RBPJ: variants seen among roughly 807,000 people sequenced by gnomAD.
RBPJ encodes the protein recombination signal binding protein for immunoglobulin kappa J region.
A neutral mutation model predicts 67.8 loss-of-function variants in RBPJ; 9 were observed. The ratio of observed to expected loss-of-function variants is 0.13; its 90% CI spans 0.08 to 0.23. The LOEUF is 0.23. RBPJ is among the 10% of genes least tolerant of loss of function. The probability of loss-of-function intolerance (pLI) is 1.00; values close to 1 mark genes in which losing one functional copy is unlikely to be tolerated. For synonymous variants in RBPJ, 198 were observed against 203.3 expected, an observed-to-expected ratio of 0.97 and a Z score of 0.22; for missense variants, 305 against 595.6, an observed-to-expected ratio of 0.51 and a Z score of 5.08.
At chr4:26,218,604 C>T (rs1300852174) in intron 1 of RBPJ, among the ~76,000 whole-genome samples, 6 of 152,188 alleles carry the variant, frequency 3.9e-5, no homozygotes, top group Non-Finnish European at 5.9e-5. Flanking sequence ...CTGTGGCTGT[C>T]GCTGTTGCTG....
intron 1 of RBPJ, among the ~76,000 whole-genome samples, chr4:26,374,009 C>A (rs922710935): frequency 2.7e-5 from 4 of 149,532 alleles, no homozygotes; most frequent in African/African-American, 7.4e-5. Context: ...GCCTCCGCCT[C>A]CTGGGTTCAA....
the RBPJ span, among the ~76,000 whole-genome samples, chr4:26,115,386 TAA>T: frequency 4.6e-5 from 7 of 152,048 alleles, no homozygotes; most frequent in African/African-American, 1.7e-4. Flanking sequence ...TTGGCCAGTA[TAA>T]GTTTTTTTTT....
In RBPJ at chr4:26,431,608, TTTTC is replaced by T. The variant is rs1266651862; in HGVS notation, c.*605_*608del. ...TTTTTTTGGTCTAAGGCTGGAACTT[TTTTC>T]TTTTTTTTCAGCTGAAGTCTTATGA... On this transcript the variant is annotated 3_prime_UTR_variant, in exon 11 of 11. Transcript: ENST00000355476. The T allele has an allele frequency of 1.3e-5, 2 of 152,198 alleles. No individual in the cohort carries two copies. Among genetic ancestry groups the T allele is most frequent in the African/African-American group, 4.8e-5 (2 of 41,418 alleles). The allele number at this position is 152,198 out of a possible 1,614,324, so 9.4% of individuals were successfully genotyped here. A position where few individuals can be genotyped will look rare whatever the true frequency, so the allele number is the denominator to read the frequency against.
At chr4:26,397,094 C>G (rs868086213) in intron 2 of RBPJ, among the ~76,000 whole-genome samples, 3 of 152,328 alleles carry the variant, frequency 2.0e-5, no homozygotes, top group Middle Eastern at 3.4e-3. Context: ...ATATCCCTCT[C>G]TTGAAGATTT....
intron 3 of RBPJ, among the ~76,000 whole-genome samples, chr4:26,411,526 A>C (rs1047393791): frequency 1.3e-5 from 2 of 151,750 alleles, no homozygotes; most frequent in Admixed American, 1.3e-4. Flanking sequence ...TGTTTAGATT[A>C]TATTGGATTT....
At chr4:26,115,786 C>T in the RBPJ span, among the ~76,000 whole-genome samples, 5 of 152,032 alleles carry the variant, frequency 3.3e-5, no homozygotes, top group East Asian at 3.8e-4. Context: ...TAAAGAAGAG[C>T]GAAACAGTAT....
At chr4:26,382,062 C>T (rs779207443) in intron 1 of RBPJ, among the ~76,000 whole-genome samples, 4 of 152,090 alleles carry the variant, frequency 2.6e-5, no homozygotes, top group Non-Finnish European at 4.4e-5. Flanking sequence ...TTGTTAAATA[C>T]ACCATATACC....
rs540333643 is a variant in RBPJ, at chr4:26,369,589, T to C, written c.21-16764T>C. Among the ~76,000 whole-genome samples the C allele has an allele frequency of 1.1e-4, 17 of 152,342 alleles. No individual in the cohort carries two copies. The South Asian group carries it at 3.3e-3, about 30-fold the overall frequency. On this transcript the variant is annotated intron_variant, in intron 1 of 10. Coordinates refer to ENST00000355476, the MANE Select transcript of RBPJ (RefSeq NM_015874.6). Reference sequence around the variant, plus strand: ...TTTCTCACAGTGGTAGATATCCAAGTGTGAGATTATTTGATTGTGATCTAT... The same window carrying C: ...TTTCTCACAGTGGTAGATATCCAAGCGTGAGATTATTTGATTGTGATCTAT...
At chr4:26,146,156 A>G in the RBPJ span, among the ~76,000 whole-genome samples, 1 of 152,220 alleles carries the variant, frequency 6.6e-6, no homozygotes, top group Non-Finnish European at 1.5e-5. Flanking sequence ...CATGTTGCCC[A>G]GGATGGTCTC....
chr4:26,316,827 C>CTTTTTTTTTTTTTT (rs56130072), upstream of RBPJ, among the ~76,000 whole-genome samples: 9 of 71,396 alleles, frequency 1.3e-4, 4 homozygotes, highest in African/African-American at 1.1e-4. Flanking sequence ...ACCCAGACGA[C>CTTTTTTTTTTTTTT]TTTTTTTTTT....
At chr4:26,406,323 C>A in intron 3 of RBPJ, 53 bp downstream of exon 3, 1 of 1,151,678 alleles carries the variant, frequency 8.7e-7, no homozygotes, top group South Asian at 1.2e-5. Context: ...ATGAATTTGC[C>A]AATTATGTAT....
At chr4:26,229,522 C>T (rs930520753) in intron 1 of RBPJ, among the ~76,000 whole-genome samples, 2 of 152,110 alleles carry the variant, frequency 1.3e-5, no homozygotes, top group African/African-American at 4.8e-5. Flanking sequence ...TCCAGAAGTA[C>T]CTGCCCCTTT....
chr4:26,115,413 C>G, the RBPJ span, among the ~76,000 whole-genome samples: 2 of 151,524 alleles, frequency 1.3e-5, no homozygotes, highest in Admixed American at 1.3e-4. Context: ...GAGACGGAGT[C>G]TCGCTCTGCA....
intron 1 of RBPJ, among the ~76,000 whole-genome samples, chr4:26,294,297 C>T (rs1721785193): frequency 6.6e-6 from 1 of 151,836 alleles, no homozygotes; most frequent in Non-Finnish European, 1.5e-5. Context: ...CAGGGTTTCA[C>T]CATCTTGGCC....
chr4:26,380,634 A>G (rs915629388), intron 1 of RBPJ, among the ~76,000 whole-genome samples: 2 of 151,922 alleles, frequency 1.3e-5, no homozygotes, highest in African/African-American at 2.4e-5. Context: ...CAGGTGGCCT[A>G]TTTTTTCTCC....
chr4:26,218,808 G>C (rs990344586), intron 1 of RBPJ, among the ~76,000 whole-genome samples: 5 of 152,332 alleles, frequency 3.3e-5, no homozygotes, highest in Middle Eastern at 3.4e-3. Context: ...TAGCATGTAT[G>C]GGGGTGGGGC....
At chr4:26,368,342 T>C (rs757567240) in intron 1 of RBPJ, among the ~76,000 whole-genome samples, 1 of 152,228 alleles carries the variant, frequency 6.6e-6, no homozygotes, top group South Asian at 2.1e-4. Context: ...CAACTCTTCC[T>C]ACTCTTTTCC....
At chr4:26,409,384 C>T (rs534968183) in intron 3 of RBPJ, among the ~76,000 whole-genome samples, 25 of 151,930 alleles carry the variant, frequency 1.6e-4, no homozygotes, top group African/African-American at 4.1e-4. Flanking sequence ...CCAGCCTGGG[C>T]GGCAGAGTGA....
chr4:26,408,253 A>G (rs899043645), intron 3 of RBPJ, among the ~76,000 whole-genome samples: 19 of 152,134 alleles, frequency 1.2e-4, no homozygotes, highest in African/African-American at 3.6e-4. Context: ...ACTGCCAGGT[A>G]CTGTTATTCA....
Sources: allele counts gnomAD v4.1 joint callset (sites outside exome capture counted in the v4.1 genomes callset), GRCh38; gene constraint gnomAD v4.1.1; transcripts MANE v1.5; gene names NCBI Gene and HGNC (gene_info 2026-07-23, HGNC 2026-07-21).